ANO2: variants seen among roughly 807,000 people sequenced by gnomAD.
ANO2 encodes the protein anoctamin-2.
ANO2 carries 101 observed loss-of-function variants against 124.2 expected under a neutral mutation model. The observed-to-expected ratio is 0.81, with a 90% CI of 0.69 to 0.96. ANO2 has a LOEUF of 0.96. Among genes scored for constraint, ANO2 ranks in the 40% least tolerant of loss-of-function variants. ANO2 has a pLI of 0.00. For missense variants in ANO2, 1,293 were observed against 1,274.5 expected, an observed-to-expected ratio of 1.01 and a Z score of -0.22; for synonymous variants, 486 against 482.5, an observed-to-expected ratio of 1.01 and a Z score of -0.09.
intron 7 of ANO2, among the ~76,000 whole-genome samples, chr12:5,826,736 T>C (rs1156375363): frequency 6.6e-6 from 1 of 152,156 alleles, no homozygotes; most frequent in Non-Finnish European, 1.5e-5. Context: ...TTCTGATTCC[T>C]TCTCCAGCAC....
At chr12:5,873,840 T>A (rs1937908439) in intron 3 of ANO2, among the ~76,000 whole-genome samples, 1 of 152,232 alleles carries the variant, frequency 6.6e-6, no homozygotes, top group Non-Finnish European at 1.5e-5. Flanking sequence ...CAACTGCACC[T>A]GGGAGCTGCA....
intron 14 of ANO2, among the ~76,000 whole-genome samples, chr12:5,699,350 T>C (rs1480524637): frequency 6.6e-6 from 1 of 152,104 alleles, no homozygotes; most frequent in Admixed American, 6.5e-5. Context: ...CTAAGCTTCA[T>C]AAGGGAAGGA....
intron 10 of ANO2, among the ~76,000 whole-genome samples, chr12:5,772,402 ATCT>A (rs1222414702): frequency 3.3e-5 from 5 of 152,358 alleles, no homozygotes; most frequent in Non-Finnish European, 7.4e-5. Context: ...AGTCGCCTAA[ATCT>A]TCTCTTTCAG....
chr12:5,629,087 C>A (rs1407646483), intron 16 of ANO2, among the ~76,000 whole-genome samples: 1 of 152,210 alleles, frequency 6.6e-6, no homozygotes, highest in African/African-American at 2.4e-5. Context: ...AAAACCTTGA[C>A]TTGACTAATA....
chr12:5,590,223 G>A (rs574384010), intron 20 of ANO2, among the ~76,000 whole-genome samples: 2 of 150,790 alleles, frequency 1.3e-5, no homozygotes, highest in Non-Finnish European at 3.0e-5. Context: ...ATTTTTTTTT[G>A]CTCATCAGCT....
At chr12:5,607,426 T>G (rs960560765) in intron 19 of ANO2, among the ~76,000 whole-genome samples, 3 of 137,070 alleles carry the variant, frequency 2.2e-5, no homozygotes, top group African/African-American at 1.0e-4. Flanking sequence ...GTAAAAACCT[T>G]TTTTTTTTTT....
intron 7 of ANO2, among the ~76,000 whole-genome samples, chr12:5,813,780 C>T (rs1027306567): frequency 9.9e-5 from 15 of 152,176 alleles, no homozygotes; most frequent in Non-Finnish European, 2.1e-4. Context: ...CTCGTTGGCT[C>T]ATATGTACAG....
chr12:5,715,785 G>C (rs1388640579), intron 14 of ANO2, among the ~76,000 whole-genome samples: 1 of 152,194 alleles, frequency 6.6e-6, no homozygotes, highest in African/African-American at 2.4e-5. Context: ...GAGGAACCCA[G>C]AAACCGAATA....
At chr12:5,697,854 A>T (rs1344512684) in intron 14 of ANO2, among the ~76,000 whole-genome samples, 1 of 152,190 alleles carries the variant, frequency 6.6e-6, no homozygotes, top group Non-Finnish European at 1.5e-5. Context: ...AGCCTCGCTC[A>T]TTGCTAGCAC....
chr12:5,616,783 C>G (rs776428183), intron 16 of ANO2, among the ~76,000 whole-genome samples: 1 of 152,136 alleles, frequency 6.6e-6, no homozygotes, highest in Admixed American at 6.5e-5. Context: ...TACAGAAATC[C>G]TTTATATCCT....
intron 3 of ANO2, among the ~76,000 whole-genome samples, chr12:5,901,111 G>A (rs908458120): frequency 3.3e-5 from 5 of 152,226 alleles, no homozygotes; most frequent in African/African-American, 9.6e-5. Context: ...AGCGGTGGCT[G>A]CAAGAGGGAC....
At position 5,918,547 on chromosome 12, in the gene ANO2, C is replaced by T. The variant is rs550155849; in HGVS notation, c.534+2493G>A. ...CTCCACCTCCCGGGTTCAAGCGATT[C>T]TTCTGCCTCAGCCTCCCAAGTAGCT... On this transcript the variant is annotated intron_variant, in intron 3 of 24. Coordinates refer to ENST00000682330, the MANE Select transcript of ANO2 (RefSeq NM_001364791.2). Among the ~76,000 whole-genome samples, 315 of 150,674 alleles carry T rather than the reference C, an allele frequency of 2.1e-3. 2 individuals are homozygous for T. Among genetic ancestry groups the T allele is most frequent in the Middle Eastern group, 6.9e-3 (2 of 290 alleles).
At chr12:5,794,927 T>C (rs1328945327) in intron 10 of ANO2, among the ~76,000 whole-genome samples, 2 of 152,224 alleles carry the variant, frequency 1.3e-5, no homozygotes, top group African/African-American at 4.8e-5. Context: ...GTTCCTCCTC[T>C]AACCCAGCTG....
intron 23 of ANO2, among the ~76,000 whole-genome samples, chr12:5,567,741 C>T (rs944048800): frequency 3.3e-5 from 5 of 152,238 alleles, no homozygotes; most frequent in Non-Finnish European, 7.3e-5. Flanking sequence ...TTGGAAATGT[C>T]ACTTTGTCCT....
intron 3 of ANO2, among the ~76,000 whole-genome samples, chr12:5,878,568 A>T (rs1468321922): frequency 2.0e-5 from 3 of 152,230 alleles, no homozygotes; most frequent in Non-Finnish European, 4.4e-5. Context: ...CTTAAGCTGG[A>T]TTCAAATAAC....
chr12:5,932,856 C>G (rs545206921), intron 1 of ANO2, among the ~76,000 whole-genome samples: 174 of 152,286 alleles, frequency 1.1e-3, no homozygotes, highest in Non-Finnish European at 2.1e-3. Flanking sequence ...CTAGAGCTGT[C>G]AGGGAGGCTC....
chr12:5,868,460 T>C (rs1272498049), intron 3 of ANO2, among the ~76,000 whole-genome samples: 2 of 152,170 alleles, frequency 1.3e-5, no homozygotes, highest in Admixed American at 6.5e-5. Context: ...AGTGACCTCA[T>C]AGAGTGCTTG....
At position 5,658,694 on chromosome 12, in the gene ANO2, ATC is replaced by A. The variant is rs1947294536; in HGVS notation, c.1546-10895_1546-10894del. ...ACATCATTATCATCATTAAATCATCATCAGCATCAATATTATCATTGTCATCA... is the reference window on the plus strand; with the variant it reads ...ACATCATTATCATCATTAAATCATCAAGCATCAATATTATCATTGTCATCA... On this transcript the variant is annotated intron_variant, in intron 14 of 24. Coordinates refer to ENST00000682330, the MANE Select transcript of ANO2 (RefSeq NM_001364791.2). The surrounding 1 kb of genome is among the most constrained non-coding windows in gnomAD (Gnocchi z 4.3). Among the ~76,000 whole-genome samples, 1 of 152,080 alleles carries A rather than the reference ATC, an allele frequency of 6.6e-6. No individual in the cohort carries two copies. The highest frequency in any genetic ancestry group is 2.4e-5 in the African/African-American group (1 of 41,336).
intron 19 of ANO2, among the ~76,000 whole-genome samples, chr12:5,610,506 A>G (rs1944459039): frequency 7.1e-6 from 1 of 140,200 alleles, no homozygotes; most frequent in Admixed American, 7.4e-5. Flanking sequence ...ATAGATATAA[A>G]TTTATATACA....
Sources: allele counts gnomAD v4.1 joint callset (sites outside exome capture counted in the v4.1 genomes callset), GRCh38; gene constraint gnomAD v4.1.1; non-coding constraint Gnocchi (gnomAD v3.1); transcripts MANE v1.5; gene names NCBI Gene and HGNC (gene_info 2026-07-23, HGNC 2026-07-21).